The following AGT variants were observed in gnomAD, a reference collection of about 807,000 sequenced individuals.
AGT encodes alpha-1 antiproteinase, antitrypsin.
AGT carries 26 observed loss-of-function variants against 28.1 expected under a neutral mutation model. The ratio of observed to expected loss-of-function variants is 0.92; its 90% CI spans 0.68 to 1.28. The LOEUF (loss-of-function observed/expected upper bound fraction) is 1.28. AGT is among the 50% of genes most tolerant of loss of function. The pLI is 0.00. For synonymous variants in AGT, 259 were observed against 259.6 expected (o/e 1.00, Z 0.02); for missense variants, 596 against 592.3 (o/e 1.01, Z -0.06).
chr1:230,730,213 G>C (rs1345597126), intron 1 of AGT, among the ~76,000 whole-genome samples: 1 of 151,768 alleles, frequency 6.6e-6, no homozygotes, highest in Non-Finnish European at 1.5e-5. Flanking sequence ...GAGCTACCAT[G>C]CCCGGCTATT....
rs5052 is a variant in AGT, at chr1:230,714,111, G to C, written c.-56C>G. The C allele has an allele frequency of 2.6e-5, 4 of 152,266 alleles. No individual in the cohort carries two copies. The highest frequency in any genetic ancestry group is 2.6e-4 in the Admixed American group (4 of 15,266). The allele number at this position is 152,266 out of a possible 1,614,324, so 9.4% of individuals were successfully genotyped here. On this transcript the variant is annotated 5_prime_UTR_variant, in exon 1 of 5. Coordinates refer to ENST00000366667, the MANE Select transcript of AGT (RefSeq NM_001384479.1). The stretch of plus-strand genomic sequence containing the variant: ...CTTCTGCTGTAGTACCCAGAACAAC[G>C]GCAGCTTCTTCCCCCGGCCGGGTCA...
rs371187328 is a variant in AGT at position 230,706,220 on chromosome 1, C to T, written c.830-20G>A. 2.4e-4 allele frequency: 391 copies of T among 1,611,494 alleles called. No individual in the cohort carries two copies. Among genetic ancestry groups the T allele is most frequent in the Non-Finnish European group, 3.2e-4 (376 of 1,178,794 alleles). ...TCTTCCCTGAAATCCAGACAGGAGA[C>T]AGGGAGGGAAGAGTCACCCAAGACA... On this transcript the variant is annotated intron_variant, in intron 2 of 4. Transcript: ENST00000366667.
At chr1:230,705,829 C>G (rs1663368023) in intron 3 of AGT, 104 bp downstream of exon 3, 2 of 1,494,990 alleles carry the variant, frequency 1.3e-6, no homozygotes, top group African/African-American at 2.8e-5. Context: ...CTGCCCTGCT[C>G]TGCACCCAAG....
intron 1 of AGT, among the ~76,000 whole-genome samples, chr1:230,739,033 T>C (rs940175461): frequency 3.3e-5 from 5 of 152,098 alleles, no homozygotes; most frequent in African/African-American, 1.2e-4. Flanking sequence ...CTTGCTACTA[T>C]GTAACAGACT....
chr1:230,722,150 G>A (rs549439413), intron 1 of AGT, among the ~76,000 whole-genome samples: 2 of 152,358 alleles, frequency 1.3e-5, no homozygotes, highest in African/African-American at 4.8e-5. Context: ...GCTAAAAGGG[G>A]CCAAGGTACA....
At chr1:230,742,148 C>G (rs1664258878) in intron 1 of AGT, among the ~76,000 whole-genome samples, 1 of 152,078 alleles carries the variant, frequency 6.6e-6, no homozygotes, top group South Asian at 2.1e-4. Context: ...CCCCACATTC[C>G]TCTACCCCCA....
At chr1:230,703,702 G>A (rs1663296258) in intron 4 of AGT, among the ~76,000 whole-genome samples, 1 of 152,214 alleles carries the variant, frequency 6.6e-6, no homozygotes, top group Non-Finnish European at 1.5e-5. Flanking sequence ...TCTTCCCGCT[G>A]GCCCCCGTAA....
chr1:230,716,196 T>C (rs1663731904), upstream of AGT, among the ~76,000 whole-genome samples: 1 of 152,188 alleles, frequency 6.6e-6, no homozygotes, highest in Admixed American at 6.5e-5. Flanking sequence ...TTAAAATCAA[T>C]CAGAAAATTG....
At chr1:230,734,802 C>G (rs562056520) in intron 1 of AGT, among the ~76,000 whole-genome samples, 3 of 152,016 alleles carry the variant, frequency 2.0e-5, no homozygotes, top group African/African-American at 4.8e-5. Flanking sequence ...CTCCACCTCC[C>G]GGGTTCATGC....
intron 3 of AGT, among the ~76,000 whole-genome samples, chr1:230,704,787 G>A (rs1162278285): frequency 6.6e-6 from 1 of 152,184 alleles, no homozygotes; most frequent in Non-Finnish European, 1.5e-5. Context: ...ATGTCAACTC[G>A]ATTGATCTTC....
intron 1 of AGT, among the ~76,000 whole-genome samples, chr1:230,728,535 C>T (rs1202059219): frequency 1.3e-5 from 2 of 152,118 alleles, no homozygotes; most frequent in African/African-American, 2.4e-5. Context: ...ATTTGCTCAC[C>T]GTTATAATTT....
intron 2 of AGT, among the ~76,000 whole-genome samples, chr1:230,709,169 C>G (rs1307181789): frequency 6.6e-6 from 1 of 152,228 alleles, no homozygotes; most frequent in Non-Finnish European, 1.5e-5. Context: ...CCTTTAAAAG[C>G]CTGGAGGCAG....
At chr1:230,718,995 C>T (rs1663793705), upstream of AGT, among the ~76,000 whole-genome samples, 2 of 152,162 alleles carry the variant, frequency 1.3e-5, no homozygotes, top group South Asian at 4.1e-4. Flanking sequence ...TCCCGGAGTG[C>T]TGGGATTAAG....
chr1:230,736,708 T>C (rs1031915806), intron 1 of AGT, among the ~76,000 whole-genome samples: 12 of 152,108 alleles, frequency 7.9e-5, no homozygotes, highest in African/African-American at 2.4e-4. Context: ...AGTGACATGG[T>C]GGTATCCTAT....
In AGT at chr1:230,710,844, T is replaced by A; in HGVS notation, c.-21A>T. 1.9e-6 allele frequency: 3 copies of A among 1,613,092 alleles called. No individual in the cohort carries two copies. The highest frequency in any genetic ancestry group is 2.5e-6 in the Non-Finnish European group (3 of 1,180,030). ...GCCATCTCAGACTGGGGTGCTCGCT[T>A]CCGCATACCCTGAAATATCATTTTG... On this transcript the variant is annotated 5_prime_UTR_variant, in exon 2 of 5. It introduces an in-frame stop codon into an upstream open reading frame of the 5' UTR. Coordinates refer to ENST00000366667, the MANE Select transcript of AGT (RefSeq NM_001384479.1).
At position 230,703,194 on chromosome 1, in the gene AGT, C is replaced by T. The variant is rs1663280772; in HGVS notation, c.1378G>A (p.Ala460Thr). 4.3e-6 allele frequency: 7 copies of T among 1,614,028 alleles called. No homozygotes were observed. Among genetic ancestry groups the T allele is most frequent in the East Asian group, 2.2e-5 (1 of 44,868 alleles). Residue 460 changes from alanine (A) to threonine (T), a missense_variant, in exon 5 of 5, where the codon GCC becomes ACC. Coordinates refer to ENST00000366667, the MANE Select transcript of AGT (RefSeq NM_001384479.1). ...CGGCCCAGGAAGTGCAGGGCAGTGG[C>T]GCTTTGATCATACACAGCAAACAGG... ...PFLFAVYDQSATALHFLGRVA... is the reference protein window; with the variant it reads ...PFLFAVYDQSTTALHFLGRVA...
chr1:230,709,532 T>C lies in AGT; in HGVS notation c.829+463A>G, dbSNP rs563418288. ...GGATTTAAGCAAGCCAATTGCTTAT[T>C]TCTGCATGGGCCAGGGACCCCAGTT... On this transcript the variant is annotated intron_variant, in intron 2 of 4. Coordinates refer to ENST00000366667, the MANE Select transcript of AGT (RefSeq NM_001384479.1). Among the ~76,000 whole-genome samples the C allele has an allele frequency of 2.6e-5, 4 of 152,272 alleles. No individual in the cohort carries two copies. The South Asian group carries it at 8.3e-4, about 32-fold the overall frequency.
chr1:230,722,595 G>A (rs911832967), intron 1 of AGT, among the ~76,000 whole-genome samples: 1 of 152,238 alleles, frequency 6.6e-6, no homozygotes, highest in Non-Finnish European at 1.5e-5. Flanking sequence ...ATGGGACCTT[G>A]CTGCTTGCAT....
intron 2 of AGT, among the ~76,000 whole-genome samples, chr1:230,709,023 G>A (rs933845491): frequency 6.6e-6 from 1 of 152,170 alleles, no homozygotes; most frequent in Non-Finnish European, 1.5e-5. Context: ...CACCAGCCCT[G>A]TTGCCCTCAC....
Sources: gnomAD v4.1 joint callset for allele counts (sites outside exome capture counted in the v4.1 genomes callset) on GRCh38, gnomAD v4.1.1 for gene constraint, MANE v1.5 for transcripts, NCBI Gene and HGNC (gene_info 2026-07-23, HGNC 2026-07-21) for gene names.